Variants in DPF3 observed in about 807,000 individuals in gnomAD.
DPF3 encodes zinc finger protein DPF3.
Under a neutral mutation model 56.8 loss-of-function variants are expected in DPF3, and 18 were observed. The ratio of observed to expected loss-of-function variants is 0.32; its 90% CI spans 0.22 to 0.47. The LOEUF is 0.47. Ranked by LOEUF, DPF3 falls within the 20% of genes least tolerant of loss-of-function variation. DPF3 has a pLI of 1.00. For missense variants in DPF3, 403 were observed against 488.8 expected, an observed-to-expected ratio of 0.82 and a Z score of 1.65; for synonymous variants, 188 against 180.2, an observed-to-expected ratio of 1.04 and a Z score of -0.35.
chr14:72,863,555 TAAAAAAAAAAA>T (rs76280301), intron 1 of DPF3, among the ~76,000 whole-genome samples: 1 of 104,344 alleles, frequency 9.6e-6, no homozygotes, highest in African/African-American at 3.4e-5. Flanking sequence ...TGTAGGATTC[TAAAAAAAAAAA>T]AAAAAAAAGC....
Position 72,731,795 on chromosome 14 carries a change from G to A in DPF3, c.429+12C>T, listed in dbSNP as rs766413935. ...GAACACTCTGTGGGGTCCCCAGCAG[G>A]TGTGGGAATACCTGTATTTCCTGGA... On this transcript the variant is annotated intron_variant, in intron 4 of 10. Transcript: ENST00000556509. 6 of 1,613,206 alleles carry A rather than the reference G, an allele frequency of 3.7e-6. No homozygotes were observed. In the African/African-American group the frequency reaches 8.0e-5, roughly 22 times the overall value.
intron 4 of DPF3, among the ~76,000 whole-genome samples, chr14:72,724,700 G>T (rs1042211833): frequency 1.5e-5 from 2 of 130,126 alleles, no homozygotes; most frequent in Non-Finnish European, 3.2e-5. Context: ...GGCCCAGAGG[G>T]GTTTTTGTTT....
At chr14:72,733,694 G>A (rs1299185054) in intron 3 of DPF3, among the ~76,000 whole-genome samples, 1 of 152,142 alleles carries the variant, frequency 6.6e-6, no homozygotes, top group Non-Finnish European at 1.5e-5. Flanking sequence ...GGGTGAAGAC[G>A]GAAAAGCATG....
intron 2 of DPF3, among the ~76,000 whole-genome samples, chr14:72,756,426 A>G (rs1386449266): frequency 2.0e-5 from 3 of 152,184 alleles, no homozygotes; most frequent in African/African-American, 7.2e-5. Context: ...CACATTGCAC[A>G]AGTTCAGCAG....
At chr14:72,804,590 G>A (rs1893015536) in intron 1 of DPF3, among the ~76,000 whole-genome samples, 1 of 152,178 alleles carries the variant, frequency 6.6e-6, no homozygotes, top group South Asian at 2.1e-4. Context: ...AGTATTGGGG[G>A]AAGGGGCTGA....
At chr14:72,700,052 T>C (rs139840217) in intron 6 of DPF3, among the ~76,000 whole-genome samples, 1 of 152,222 alleles carries the variant, frequency 6.6e-6, no homozygotes, top group African/African-American at 2.4e-5. Context: ...GTCCTTGGAA[T>C]GATTTCATCA....
chr14:72,642,930 G>A (rs1410605688), intron 8 of DPF3, among the ~76,000 whole-genome samples: 1 of 152,222 alleles, frequency 6.6e-6, no homozygotes, highest in East Asian at 1.9e-4. Flanking sequence ...ACTTTTCCAA[G>A]GAAGCACCTT....
intron 6 of DPF3, among the ~76,000 whole-genome samples, chr14:72,701,976 C>T (rs1310245399): frequency 6.6e-6 from 1 of 152,228 alleles, no homozygotes; most frequent in East Asian, 1.9e-4. Flanking sequence ...CACCTACCAT[C>T]AGGCAGCACC....
intron 1 of DPF3, among the ~76,000 whole-genome samples, chr14:72,773,651 A>G (rs1891635063): frequency 6.6e-6 from 1 of 152,166 alleles, no homozygotes; most frequent in Non-Finnish European, 1.5e-5. Flanking sequence ...TCCAGCAACT[A>G]CCAATCTGCT....
chr14:72,705,238 A>G (rs1888354911), intron 6 of DPF3, among the ~76,000 whole-genome samples: 1 of 152,060 alleles, frequency 6.6e-6, no homozygotes. Flanking sequence ...ACAGGAGCAC[A>G]AACCCTACTG....
intron 1 of DPF3, among the ~76,000 whole-genome samples, chr14:72,830,269 A>T (rs1883997465): frequency 6.6e-6 from 1 of 152,208 alleles, no homozygotes; most frequent in Non-Finnish European, 1.5e-5. Flanking sequence ...ATGGCAGTGG[A>T]GGGGAAGGAG....
intron 2 of DPF3, among the ~76,000 whole-genome samples, chr14:72,769,494 A>G (rs1891429441): frequency 6.6e-6 from 1 of 152,172 alleles, no homozygotes; most frequent in Non-Finnish European, 1.5e-5. Flanking sequence ...ATCCTGGCCA[A>G]CATGGTGAAA....
intron 7 of DPF3, among the ~76,000 whole-genome samples, chr14:72,691,684 G>A (rs1050304772): frequency 4.6e-5 from 7 of 151,488 alleles, no homozygotes; most frequent in South Asian, 2.1e-4. Flanking sequence ...CCAAGATCAC[G>A]CCACTGTACT....
At chr14:72,709,172 C>T (rs1344172795) in intron 6 of DPF3, among the ~76,000 whole-genome samples, 1 of 152,206 alleles carries the variant, frequency 6.6e-6, no homozygotes, top group Non-Finnish European at 1.5e-5. Context: ...AGAAGGGAGG[C>T]AACAGGGTGA....
intron 7 of DPF3, among the ~76,000 whole-genome samples, chr14:72,675,990 G>T (rs1017621927): frequency 6.6e-6 from 1 of 152,164 alleles, no homozygotes. Context: ...CCCAAATCCA[G>T]AAGTACCAGA....
At chr14:72,700,594 T>A (rs188412229) in intron 6 of DPF3, among the ~76,000 whole-genome samples, 1 of 152,310 alleles carries the variant, frequency 6.6e-6, no homozygotes, top group East Asian at 1.9e-4. Flanking sequence ...TCAGTAGTCA[T>A]CATCTCAGTG....
chr14:72,671,195 A>C (rs773803749), intron 8 of DPF3: 4 of 1,614,010 alleles, frequency 2.5e-6, no homozygotes, highest in East Asian at 4.5e-5. Flanking sequence ...CGTCCTCGAC[A>C]GGAGCGAGGC....
At chr14:72,712,761 G>A (rs545358666) in intron 6 of DPF3, among the ~76,000 whole-genome samples, 81 of 152,316 alleles carry the variant, frequency 5.3e-4, no homozygotes, top group African/African-American at 1.8e-3. Context: ...TAGCTACTGC[G>A]TATGCTGAGG....
At chr14:72,636,758 A>G (rs1368795314) in intron 8 of DPF3, among the ~76,000 whole-genome samples, 1 of 152,232 alleles carries the variant, frequency 6.6e-6, no homozygotes, top group Non-Finnish European at 1.5e-5. Flanking sequence ...TCTAATGCTG[A>G]AGACACCTGC....
Sources: gnomAD v4.1 joint callset for allele counts (sites outside exome capture counted in the v4.1 genomes callset) on GRCh38, gnomAD v4.1.1 for gene constraint, MANE v1.5 for transcripts, NCBI Gene and HGNC (gene_info 2026-07-23, HGNC 2026-07-21) for gene names.